PTPRM: variants seen among roughly 807,000 people sequenced by gnomAD.
The protein encoded by PTPRM is protein tyrosine phosphatase receptor type M, also known as receptor-type tyrosine-protein phosphatase mu.
PTPRM carries 47 observed loss-of-function variants against 186.7 expected under a neutral mutation model. That is an observed-to-expected ratio of 0.25 (90% CI 0.20 to 0.32). The LOEUF (loss-of-function observed/expected upper bound fraction) is 0.32, where lower values mean the gene tolerates loss of function less well. PTPRM is among the 10% of genes least tolerant of loss of function. The probability of loss-of-function intolerance (pLI) is 1.00; values close to 1 mark genes in which losing one functional copy is unlikely to be tolerated. For missense variants in PTPRM, 1,494 were observed against 1,865.0 expected (o/e 0.80, Z 3.66); for synonymous variants, 668 against 674.9 (o/e 0.99, Z 0.16).
intron 1 of PTPRM, among the ~76,000 whole-genome samples, chr18:7,726,942 A>G (rs2040561713): frequency 6.6e-6 from 1 of 152,220 alleles, no homozygotes; most frequent in African/African-American, 2.4e-5. Context: ...ATCAGCCTTG[A>G]CAGCAGTTCA....
At chr18:7,650,399 A>G (rs1296400029) in intron 1 of PTPRM, among the ~76,000 whole-genome samples, 1 of 148,742 alleles carries the variant, frequency 6.7e-6, no homozygotes, top group East Asian at 2.0e-4. Flanking sequence ...GAGAAAACTC[A>G]TTTGTATATT....
At chr18:8,087,362 A>T (rs766028155) in intron 10 of PTPRM, among the ~76,000 whole-genome samples, 1 of 152,156 alleles carries the variant, frequency 6.6e-6, no homozygotes, top group Non-Finnish European at 1.5e-5. Context: ...CACACTGCTA[A>T]TAAAGACATA....
chr18:8,345,822 T>C (rs563809332), intron 23 of PTPRM, among the ~76,000 whole-genome samples: 1 of 151,892 alleles, frequency 6.6e-6, no homozygotes, highest in Non-Finnish European at 1.5e-5. Context: ...GTGCCACACA[T>C]AGATAGGAAG....
intron 1 of PTPRM, among the ~76,000 whole-genome samples, chr18:7,730,174 A>G (rs1195855639): frequency 6.6e-6 from 1 of 152,188 alleles, no homozygotes; most frequent in Non-Finnish European, 1.5e-5. Context: ...ACTTTAACAA[A>G]TCTTTAATTC....
At chr18:7,684,536 C>G (rs2039554050) in intron 1 of PTPRM, among the ~76,000 whole-genome samples, 1 of 152,146 alleles carries the variant, frequency 6.6e-6, no homozygotes, top group African/African-American at 2.4e-5. Context: ...AACCGTAATT[C>G]TATTCTATGC....
chr18:8,277,157 G>A (rs187807526), intron 19 of PTPRM, among the ~76,000 whole-genome samples: 1 of 152,134 alleles, frequency 6.6e-6, no homozygotes, highest in African/African-American at 2.4e-5. Flanking sequence ...GGCTGGTCTC[G>A]AACTCCTGGC....
chr18:7,952,081 A>G (rs2052998028), intron 6 of PTPRM, among the ~76,000 whole-genome samples: 1 of 152,234 alleles, frequency 6.6e-6, no homozygotes, highest in Admixed American at 6.5e-5. Context: ...CAATGCATGT[A>G]TATATGCATA....
At chr18:8,238,652 T>TGTGTGTTTTTTTTTTG (rs1491488825) in intron 14 of PTPRM, among the ~76,000 whole-genome samples, 24 of 31,146 alleles carry the variant, frequency 7.7e-4, no homozygotes, top group African/African-American at 2.7e-3. Flanking sequence ...GTTTTGTGTG[T>TGTGTGTTTTTTTTTTG]TTTTTTTTTT....
intron 2 of PTPRM, among the ~76,000 whole-genome samples, chr18:7,859,543 A>C (rs1303611858): frequency 6.6e-6 from 1 of 152,182 alleles, no homozygotes; most frequent in African/African-American, 2.4e-5. Context: ...CAGTGCTCCT[A>C]TTCTGACCCC....
At chr18:7,910,629 C>T (rs1297988099) in intron 4 of PTPRM, among the ~76,000 whole-genome samples, 2 of 152,144 alleles carry the variant, frequency 1.3e-5, no homozygotes, top group Admixed American at 6.6e-5. Context: ...CTGCAAACAT[C>T]TGATTGGTTG....
At chr18:8,320,903 C>T (rs2095341706) in intron 22 of PTPRM, among the ~76,000 whole-genome samples, 1 of 152,194 alleles carries the variant, frequency 6.6e-6, no homozygotes, top group Non-Finnish European at 1.5e-5. Flanking sequence ...TGGCACAAAG[C>T]AGGCCCTACT....
chr18:8,106,855 A>G (rs8087465), intron 11 of PTPRM, among the ~76,000 whole-genome samples: 47 of 152,300 alleles, frequency 3.1e-4, no homozygotes, highest in African/African-American at 1.1e-3. Context: ...GTGATTCCCA[A>G]GTCAATGCTC....
chr18:7,963,473 G>T (rs971127250), intron 7 of PTPRM, among the ~76,000 whole-genome samples: 1 of 152,214 alleles, frequency 6.6e-6, no homozygotes, highest in Non-Finnish European at 1.5e-5. Flanking sequence ...GACTCTTAAG[G>T]TGTTGTGACT....
chr18:7,984,602 T>TATATATATATATATATATATACACACAC (rs1214502563), intron 7 of PTPRM, among the ~76,000 whole-genome samples: 1 of 87,198 alleles, frequency 1.1e-5, no homozygotes, highest in Non-Finnish European at 2.1e-5. Flanking sequence ...TATATATATA[T>TATATATATATATATATATATACACACAC]ACACACACAC....
chr18:7,723,999 C>T (rs1026370488), intron 1 of PTPRM, among the ~76,000 whole-genome samples: 1 of 152,124 alleles, frequency 6.6e-6, no homozygotes, highest in Admixed American at 6.5e-5. Context: ...TAAAAGTGAC[C>T]TGCTCTGAAT....
At chr18:8,130,096 C>T (rs759556662) in intron 13 of PTPRM, among the ~76,000 whole-genome samples, 28 of 152,216 alleles carry the variant, frequency 1.8e-4, no homozygotes, top group Non-Finnish European at 3.1e-4. Flanking sequence ...GCAACATGCA[C>T]ATACTACTTT....
intron 14 of PTPRM, among the ~76,000 whole-genome samples, chr18:8,208,536 G>C (rs4591209): frequency 0.34 from 50,794 of 151,184 alleles, 9,025 homozygotes; most frequent in Middle Eastern, 0.52. Context: ...TTTTTAAACA[G>C]GGTCTCACTC....
intron 1 of PTPRM, among the ~76,000 whole-genome samples, chr18:7,772,325 GTTCT>G (rs1236437860): frequency 2.2e-4 from 19 of 84,706 alleles, no homozygotes; most frequent in East Asian, 3.2e-4. Flanking sequence ...TCCTCCCTTC[GTTCT>G]TTCTTTTCTT....
intron 1 of PTPRM, among the ~76,000 whole-genome samples, chr18:7,657,328 T>G (rs2038874438): frequency 6.6e-6 from 1 of 152,170 alleles, no homozygotes; most frequent in Admixed American, 6.5e-5. Context: ...GATGGGGGCC[T>G]CTCCATCCTT....
Sources: gnomAD v4.1 joint callset for allele counts (sites outside exome capture counted in the v4.1 genomes callset) on GRCh38, gnomAD v4.1.1 for gene constraint, MANE v1.5 for transcripts, NCBI Gene and HGNC (gene_info 2026-07-23, HGNC 2026-07-21) for gene names.